The following GALNTL6 variants were observed in gnomAD, a reference collection of about 807,000 sequenced individuals.
The protein encoded by GALNTL6 is polypeptide N-acetylgalactosaminyltransferase-like 6.
Under a neutral mutation model 73.7 loss-of-function variants are expected in GALNTL6, and 46 were observed. The ratio of observed to expected loss-of-function variants is 0.62; its 90% CI spans 0.49 to 0.80. GALNTL6 has a LOEUF of 0.80. GALNTL6 is among the 30% of genes least tolerant of loss of function. The pLI is 0.00. For missense variants in GALNTL6, 604 were observed against 755.0 expected (o/e 0.80, Z 2.34); for synonymous variants, 259 against 263.7 (o/e 0.98, Z 0.17).
chr4:172,688,147 GA>G, intron 5 of GALNTL6, among the ~76,000 whole-genome samples: 1 of 152,112 alleles, frequency 6.6e-6, no homozygotes, highest in East Asian at 1.9e-4. Context: ...CACCAAAGTG[GA>G]AAAAACTCAT....
At chr4:172,981,371 C>A (rs773024123) in intron 10 of GALNTL6, among the ~76,000 whole-genome samples, 22 of 152,174 alleles carry the variant, frequency 1.4e-4, no homozygotes, top group Admixed American at 4.6e-4. Context: ...TTGTAGTTTT[C>A]CACTGTTGCT....
chr4:171,855,443 G>A (rs1432040421), intron 2 of GALNTL6, among the ~76,000 whole-genome samples: 1 of 152,094 alleles, frequency 6.6e-6, no homozygotes, highest in Non-Finnish European at 1.5e-5. Flanking sequence ...TGTCTTTTGT[G>A]GCTTGATAAC....
chr4:172,961,914 G>A (rs1480309655), intron 10 of GALNTL6, among the ~76,000 whole-genome samples: 1 of 152,230 alleles, frequency 6.6e-6, no homozygotes, highest in Non-Finnish European at 1.5e-5. Context: ...GCATGTCTGT[G>A]TGAAGAGACC....
intron 5 of GALNTL6, among the ~76,000 whole-genome samples, chr4:172,794,084 A>C (rs1391742365): frequency 6.6e-6 from 1 of 152,206 alleles, no homozygotes; most frequent in African/African-American, 2.4e-5. Context: ...ATTGTTTTTC[A>C]ATGTTTATTG....
intron 3 of GALNTL6, among the ~76,000 whole-genome samples, chr4:172,267,907 A>T (rs1738504726): frequency 6.6e-6 from 1 of 152,156 alleles, no homozygotes; most frequent in Admixed American, 6.6e-5. Flanking sequence ...CAAAGTAATA[A>T]AGAATACAGT....
chr4:172,528,648 A>AT (rs914849209), intron 5 of GALNTL6, among the ~76,000 whole-genome samples: 8 of 151,076 alleles, frequency 5.3e-5, no homozygotes, highest in African/African-American at 1.9e-4. Context: ...CTGGCCTTAT[A>AT]TTTTTTAGTT....
intron 2 of GALNTL6, among the ~76,000 whole-genome samples, chr4:172,165,577 A>G (rs1285578579): frequency 6.6e-6 from 1 of 152,194 alleles, no homozygotes. Flanking sequence ...TAATTTAAGT[A>G]TAGAATGGTA....
intron 5 of GALNTL6, among the ~76,000 whole-genome samples, chr4:172,377,261 A>G (rs1743066105): frequency 6.6e-6 from 1 of 152,208 alleles, no homozygotes; most frequent in Non-Finnish European, 1.5e-5. Flanking sequence ...TCCCTGAGCT[A>G]GACACAGAGT....
At chr4:171,849,245 T>C (rs1475718850) in intron 2 of GALNTL6, among the ~76,000 whole-genome samples, 1 of 152,202 alleles carries the variant, frequency 6.6e-6, no homozygotes, top group African/African-American at 2.4e-5. Flanking sequence ...AATTTCAATA[T>C]TGTGTCTCAG....
rs1309944259 is a variant in GALNTL6 at position 171,846,037 on chromosome 4, G to C, written c.138+31319G>C. ...GCTTTATTTCACTTTTCAAATCAGG[G>C]ATAGATAACTGTCATATTGCCTTTC... On this transcript the variant is annotated intron_variant, in intron 2 of 12. Coordinates refer to ENST00000506823, the MANE Select transcript of GALNTL6 (RefSeq NM_001034845.3). Among the ~76,000 whole-genome samples the C allele has an allele frequency of 2.0e-5, 3 of 152,152 alleles. No homozygotes were observed. In the East Asian group the frequency reaches 5.8e-4, roughly 29 times the overall value.
At chr4:172,938,359 T>C (rs1748734708) in intron 9 of GALNTL6, among the ~76,000 whole-genome samples, 1 of 152,176 alleles carries the variant, frequency 6.6e-6, no homozygotes, top group Non-Finnish European at 1.5e-5. Flanking sequence ...GATTAATAAA[T>C]GCTTCTTCAT....
intron 5 of GALNTL6, among the ~76,000 whole-genome samples, chr4:172,593,856 A>G (rs1040540140): frequency 1.3e-5 from 2 of 152,128 alleles, no homozygotes; most frequent in African/African-American, 4.8e-5. Context: ...CAGTCTCCCA[A>G]GTAGCTAGGA....
chr4:172,092,915 C>T (rs557913959), intron 2 of GALNTL6, among the ~76,000 whole-genome samples: 1 of 147,036 alleles, frequency 6.8e-6, no homozygotes, highest in Admixed American at 6.8e-5. Context: ...TGCTCTGTCA[C>T]CACGCTACAG....
chr4:172,457,585 T>G (rs1008657014), intron 5 of GALNTL6, among the ~76,000 whole-genome samples: 1 of 152,096 alleles, frequency 6.6e-6, no homozygotes, highest in Non-Finnish European at 1.5e-5. Context: ...AAAACAGACT[T>G]TAAACCAACA....
intron 2 of GALNTL6, among the ~76,000 whole-genome samples, chr4:171,954,483 G>C (rs562558401): frequency 6.6e-6 from 1 of 152,092 alleles, no homozygotes; most frequent in Non-Finnish European, 1.5e-5. Context: ...TGCAAATTAC[G>C]TAAGAATACA....
At chr4:172,916,346 A>G (rs1342660383) in intron 8 of GALNTL6, among the ~76,000 whole-genome samples, 1 of 152,230 alleles carries the variant, frequency 6.6e-6, no homozygotes, top group East Asian at 1.9e-4. Context: ...CAAGACAGGG[A>G]TGCCCTCTCT....
chr4:172,446,814 A>T (rs966670823), intron 5 of GALNTL6, among the ~76,000 whole-genome samples: 2 of 152,198 alleles, frequency 1.3e-5, no homozygotes, highest in Non-Finnish European at 2.9e-5. Flanking sequence ...AAGCCCAGGA[A>T]GAACCCCTAA....
intron 5 of GALNTL6, among the ~76,000 whole-genome samples, chr4:172,571,958 A>G (rs1180012928): frequency 6.6e-6 from 1 of 152,122 alleles, no homozygotes; most frequent in Non-Finnish European, 1.5e-5. Flanking sequence ...ATCCTCCTTG[A>G]ATGTGCTTTT....
chr4:172,043,834 G>A (rs1166834289), intron 2 of GALNTL6, among the ~76,000 whole-genome samples: 1 of 151,940 alleles, frequency 6.6e-6, no homozygotes, highest in Non-Finnish European at 1.5e-5. Flanking sequence ...ATTACAAGCA[G>A]GCCCTTATTT....
Sources: allele counts gnomAD v4.1 joint callset (sites outside exome capture counted in the v4.1 genomes callset), GRCh38; gene constraint gnomAD v4.1.1; transcripts MANE v1.5; gene names NCBI Gene and HGNC (gene_info 2026-07-23, HGNC 2026-07-21).